GPN3: variants seen among roughly 807,000 people sequenced by gnomAD.
GPN3 encodes GPN-loop GTPase 3.
GPN3 carries 31 observed loss-of-function variants against 38.7 expected under a neutral mutation model. That is an observed-to-expected ratio of 0.80 (90% confidence interval 0.60 to 1.08). GPN3 has a LOEUF of 1.08. GPN3 is among the 50% of genes least tolerant of loss of function. The pLI is 0.00. For synonymous variants in GPN3, 116 were observed against 120.2 expected (o/e 0.96, Z 0.23); for missense variants, 301 against 354.4 (o/e 0.85, Z 1.21).
intron 2 of GPN3, chr12:110,464,864 A>T: frequency 2.2e-6 from 1 of 458,864 alleles, no homozygotes; most frequent in Non-Finnish European, 4.0e-6. Flanking sequence ...AAGTGCTGGA[A>T]TTACAGGCAT....
chr12:110,460,934 A>G (rs988848415), intron 2 of GPN3: 1 of 862,118 alleles, frequency 1.2e-6, no homozygotes, highest in Non-Finnish European at 2.0e-6. Flanking sequence ...ACTGCTCTCA[A>G]GCCCAGGCGA....
At position 110,468,220 on chromosome 12, in the gene GPN3, G is replaced by T; in HGVS notation, c.-17C>A. 7 of 1,556,428 alleles carry T rather than the reference G, an allele frequency of 4.5e-6. No homozygotes were observed. Among genetic ancestry groups the T allele is most frequent in the Non-Finnish European group, 5.2e-6 (6 of 1,159,432 alleles). On this transcript the variant is annotated 5_prime_UTR_variant, in exon 1 of 8. Coordinates refer to ENST00000228827, the MANE Select transcript of GPN3 (RefSeq NM_016301.4). The stretch of plus-strand genomic sequence containing the variant: ...CCGAGGCATGTTGGCTCCCGGAGCC[G>T]CCCGCCACACTCCCTTAGCCTTCGC...
At chr12:110,463,686 C>T (rs1228155661) in intron 2 of GPN3, among the ~76,000 whole-genome samples, 1 of 146,016 alleles carries the variant, frequency 6.8e-6, no homozygotes, top group African/African-American at 2.5e-5. Flanking sequence ...GTAGTCCCAG[C>T]TACTTGGGAG....
At chr12:110,461,401 G>GAAA (rs200024506) in intron 2 of GPN3, 2 of 317,812 alleles carry the variant, frequency 6.3e-6, no homozygotes, top group East Asian at 6.0e-5. Context: ...TTATAAAATT[G>GAAA]AAAAAAAAAA....
chr12:110,456,108 T>A (rs1213399387), intron 4 of GPN3, among the ~76,000 whole-genome samples, 178 bp from the exon 5 acceptor site: 2 of 152,134 alleles, frequency 1.3e-5, no homozygotes, highest in Admixed American at 1.3e-4. Context: ...GGCGGGCAGA[T>A]CACCTCAGGT....
intron 4 of GPN3, among the ~76,000 whole-genome samples, chr12:110,456,870 A>C (rs2062553906): frequency 2.0e-5 from 3 of 151,766 alleles, no homozygotes; most frequent in Admixed American, 6.6e-5. Context: ...GCTAATTTTT[A>C]TATTTTTTGT....
intron 4 of GPN3, among the ~76,000 whole-genome samples, chr12:110,456,600 A>C (rs1238657332): frequency 6.6e-6 from 1 of 152,082 alleles, no homozygotes; most frequent in Non-Finnish European, 1.5e-5. Context: ...TTGGTAGTTC[A>C]TAAACTGGAC....
rs778376891 is a variant in GPN3, at chr12:110,468,175, C to T, written c.29G>A (p.Gly10Asp). MPRYAQLVM[G>D]PAGSGKSTYC... Reference sequence around the variant, plus strand: ...CCTCACCTTCCCGCTGCCCGCGGGGCCCATGACCAGCTGCGCATACCGAGG... The same window carrying T: ...CCTCACCTTCCCGCTGCCCGCGGGGTCCATGACCAGCTGCGCATACCGAGG... Residue 10 changes from glycine (G) to aspartate (D), a missense_variant, in exon 1 of 8, where the codon GGC becomes GAC. Coordinates refer to ENST00000228827, the MANE Select transcript of GPN3 (RefSeq NM_016301.4). 5.6e-6 allele frequency: 9 copies of T among 1,612,728 alleles called. No individual in the cohort carries two copies. In the East Asian group the frequency reaches 2.0e-4, roughly 36 times the overall value.
intron 6 of GPN3, 26 bp downstream of exon 6, chr12:110,455,560 A>C: frequency 9.6e-7 from 1 of 1,046,466 alleles, no homozygotes; most frequent in Non-Finnish European, 1.5e-6. Context: ...GCACCTGGCC[A>C]AAAAATCCAA....
At position 110,452,703 on chromosome 12, in the gene GPN3, C is replaced by A; in HGVS notation, c.*331G>T. The A allele has an allele frequency of 4.3e-6, 1 of 231,804 alleles. No homozygotes were observed. The highest frequency in any genetic ancestry group is 8.7e-6 in the Non-Finnish European group (1 of 114,464). 14.4% of individuals were successfully genotyped at this position (231,804 alleles called of 1,614,324 possible). A position where few individuals can be genotyped will look rare whatever the true frequency, so the allele number is the denominator to read the frequency against. ...ACATATTTTGTTACAGTAATTCCTG[C>A]ATCTCAAAAATAATACAAAAAGTGA... On this transcript the variant is annotated 3_prime_UTR_variant, in exon 8 of 8. Transcript: ENST00000228827.
At chr12:110,457,403 G>T in intron 4 of GPN3, 107 bp downstream of exon 4, 2 of 888,328 alleles carry the variant, frequency 2.3e-6, no homozygotes, top group South Asian at 2.4e-5. Context: ...AGTGAGCTGA[G>T]ATCACGCCAC....
chr12:110,454,668 G>GT (rs976199781), intron 6 of GPN3, among the ~76,000 whole-genome samples: 53 of 149,102 alleles, frequency 3.6e-4, no homozygotes, highest in East Asian at 1.6e-3. Context: ...TTTTGTTTTT[G>GT]TTTTTTTTTG....
At chr12:110,462,455 C>T (rs1399858860) in intron 2 of GPN3, among the ~76,000 whole-genome samples, 4 of 152,200 alleles carry the variant, frequency 2.6e-5, no homozygotes, top group African/African-American at 9.7e-5. Flanking sequence ...CTTCTTGGTT[C>T]AATCCCCCAC....
intron 2 of GPN3, among the ~76,000 whole-genome samples, chr12:110,462,558 C>A (rs1319037595): frequency 6.6e-6 from 1 of 152,102 alleles, no homozygotes; most frequent in Admixed American, 6.6e-5. Context: ...GTACACCTGG[C>A]TAACTACAAC....
chr12:110,459,911 G>A, intron 2 of GPN3, 49 bp from the exon 3 acceptor site: 1 of 1,446,494 alleles, frequency 6.9e-7, no homozygotes, highest in African/African-American at 1.4e-5. Context: ...TTCAAAAATT[G>A]TTATCCTTAC....
At chr12:110,465,058 A>C (rs746292382) in intron 2 of GPN3, 48 bp downstream of exon 2, 1 of 953,066 alleles carries the variant, frequency 1.0e-6, no homozygotes, top group Non-Finnish European at 1.7e-6. Context: ...CTGCCTCCCC[A>C]GCCCTTACTG....
chr12:110,466,395 C>G (rs936697152), intron 1 of GPN3, among the ~76,000 whole-genome samples: 3 of 152,034 alleles, frequency 2.0e-5, no homozygotes, highest in Non-Finnish European at 2.9e-5. Context: ...ACAATCAGCC[C>G]AAAAATTAAA....
chr12:110,459,473 C>G (rs1376057029), intron 3 of GPN3, among the ~76,000 whole-genome samples: 2 of 152,154 alleles, frequency 1.3e-5, no homozygotes, highest in Non-Finnish European at 2.9e-5. Context: ...ATCTCCTGAC[C>G]TCGTGATCCA....
At chr12:110,453,621 G>A (rs1174840419) in intron 7 of GPN3, 122 bp downstream of exon 7, 4 of 706,706 alleles carry the variant, frequency 5.7e-6, no homozygotes, top group Non-Finnish European at 9.8e-6. Context: ...GAAAAGCCCA[G>A]TTAACTGCCA....
Sources: allele counts gnomAD v4.1 joint callset (sites outside exome capture counted in the v4.1 genomes callset), GRCh38; gene constraint gnomAD v4.1.1; transcripts MANE v1.5; gene names NCBI Gene and HGNC (gene_info 2026-07-23, HGNC 2026-07-21).